The following GRM6 variants were observed in gnomAD, a reference collection of about 807,000 sequenced individuals.
GRM6 encodes glutamate metabotropic receptor 6.
GRM6 carries 73 observed loss-of-function variants against 78.4 expected under a neutral mutation model. The observed-to-expected ratio is 0.93, with a 90% CI of 0.77 to 1.13. GRM6 has a LOEUF of 1.13. Among genes scored for constraint, GRM6 ranks in the 50% most tolerant of loss-of-function variants. The pLI, the probability that GRM6 is intolerant of heterozygous loss-of-function variation, is 0.00. For synonymous variants in GRM6, 580 were observed against 555.0 expected (o/e 1.05, Z -0.63); for missense variants, 1,251 against 1,256.4 (o/e 1.00, Z 0.07).
At chr5:178,983,346 T>A in intron 9 of GRM6, 125 bp from the exon 10 acceptor site, 3 of 838,624 alleles carry the variant, frequency 3.6e-6, no homozygotes, top group Non-Finnish European at 5.9e-6. Context: ...ATGCTCCACC[T>A]CTTCGTGGTG....
chr5:178,981,868 GA>G lies in GRM6; in HGVS notation c.2437-15del. On this transcript the variant is annotated splice_polypyrimidine_tract_variant and intron_variant, in intron 10 of 10. Coordinates refer to ENST00000517717, the MANE Select transcript of GRM6 (RefSeq NM_000843.4). The surrounding 1 kb of genome is among the most constrained non-coding windows in gnomAD (Gnocchi z 5.1). ...CTGGATGTAGATCTAGGCCATGGAAGAGGGGACCAGATGGGACTCAGCCCTG... is the reference window on the plus strand; with the variant it reads ...CTGGATGTAGATCTAGGCCATGGAAGGGGGACCAGATGGGACTCAGCCCTG... 6.4e-7 allele frequency: 1 copy of G among 1,551,348 alleles called. No homozygotes were observed. Among genetic ancestry groups the G allele is most frequent in the Non-Finnish European group, 8.9e-7 (1 of 1,123,106 alleles).
chr5:178,987,273 A>T (rs756675226), intron 7 of GRM6: 6 of 581,244 alleles, frequency 1.0e-5, no homozygotes, highest in South Asian at 9.1e-5. Context: ...AGCCTCCTCA[A>T]AAGATTAAAC....
In GRM6 at chr5:178,991,260, C is replaced by G. The variant is rs1760665317; in HGVS notation, c.857+164G>C. ...GGCATCTCCCCAGACCAGGCTGCTT[C>G]TGAGCCTGGGCACCAGACTCAGAGG... On this transcript the variant is annotated intron_variant, in intron 4 of 10. Coordinates refer to ENST00000517717, the MANE Select transcript of GRM6 (RefSeq NM_000843.4). This position sits in a 1 kb window ranked among gnomAD's most constrained non-coding sequence, Gnocchi z 5.0. Among the ~76,000 whole-genome samples the G allele has an allele frequency of 6.6e-6, 1 of 151,982 alleles. No homozygotes were observed. Among genetic ancestry groups the G allele is most frequent in the South Asian group, 2.1e-4 (1 of 4,810 alleles).
chr5:178,987,884 C>T (rs995328078), intron 7 of GRM6, among the ~76,000 whole-genome samples: 30 of 148,726 alleles, frequency 2.0e-4, no homozygotes, highest in Non-Finnish European at 3.9e-4. Context: ...CTCAGACTCC[C>T]GAGTAGCTGG....
chr5:178,982,669 A>C (rs1561715078), intron 10 of GRM6: 1 of 465,766 alleles, frequency 2.1e-6, no homozygotes, highest in East Asian at 3.5e-5. Flanking sequence ...GTGAGGCAAT[A>C]TCTCTCAAAG....
Position 178,983,100 on chromosome 5 carries a change from A to C in GRM6, c.2246T>G (p.Leu749Arg), listed in dbSNP as rs761434137. Residue 749 changes from leucine (L) to arginine (R), a missense_variant, in exon 10 of 11, where the codon CTG becomes CGG. Coordinates refer to ENST00000517717, the MANE Select transcript of GRM6 (RefSeq NM_000843.4). ...RGVLKCDMSD[L>R]SLIGCLGYSL... ...GTAGCCCAGGCAGCCGATGAGAGAC[A>C]GATCCGACATGTCGCACTTGAGCAC... 1.2e-6 allele frequency: 2 copies of C among 1,614,206 alleles called. No individual in the cohort carries two copies. Among genetic ancestry groups the C allele is most frequent in the Non-Finnish European group, 1.7e-6 (2 of 1,180,028 alleles).
rs929057649 is a variant in GRM6 at position 178,981,528 on chromosome 5, G to A, written c.*129C>T. On this transcript the variant is annotated 3_prime_UTR_variant, in exon 11 of 11. Coordinates refer to ENST00000517717, the MANE Select transcript of GRM6 (RefSeq NM_000843.4). The surrounding 1 kb of genome is among the most constrained non-coding windows in gnomAD (Gnocchi z 5.1). ...CCTTCTCAAGGCCAGCCCCACCGAC[G>A]CGGAGCATGGTCTTGGCAAACTCCC... The A allele has an allele frequency of 2.6e-5, 18 of 697,004 alleles. No homozygotes were observed. The highest frequency in any genetic ancestry group is 5.5e-5 in the South Asian group (3 of 54,508). The allele number at this position is 697,004 out of a possible 1,614,324, so 43.2% of individuals were successfully genotyped here.
intron 2 of GRM6, among the ~76,000 whole-genome samples, chr5:178,994,089 C>A (rs1760729787): frequency 6.6e-6 from 1 of 152,196 alleles, no homozygotes; most frequent in Admixed American, 6.5e-5. Context: ...GGGGCAGGAG[C>A]ACCTTGTATG....
At position 178,988,573 on chromosome 5, in the gene GRM6, G is replaced by T. The variant is rs188332432; in HGVS notation, c.1354+362C>A. Among the ~76,000 whole-genome samples, 1 of 152,136 alleles carries T rather than the reference G, an allele frequency of 6.6e-6. No individual in the cohort carries two copies. The highest frequency in any genetic ancestry group is 6.5e-5 in the Admixed American group (1 of 15,274). ...GTGGGCGGCATGTCCCTGGGTAGGC[G>T]CCCCACGCAGTCTTAACTGTGCCCC... On this transcript the variant is annotated intron_variant, in intron 7 of 10. Coordinates refer to ENST00000517717, the MANE Select transcript of GRM6 (RefSeq NM_000843.4). The surrounding 1 kb of genome is among the most constrained non-coding windows in gnomAD (Gnocchi z 6.0).
In GRM6 at chr5:178,991,760, T is replaced by TCGGCC. The variant is rs1760679291; in HGVS notation, c.721+102_721+106dup. The TCGGCC allele has an allele frequency of 8.6e-7, 1 of 1,168,144 alleles. No homozygotes were observed. Among genetic ancestry groups the TCGGCC allele is most frequent in the Non-Finnish European group, 1.3e-6 (1 of 791,724 alleles). 72.4% of individuals were successfully genotyped at this position (1,168,144 alleles called of 1,614,324 possible). A position where few individuals can be genotyped will look rare whatever the true frequency, so the allele number is the denominator to read the frequency against. ...CACATGGAGCACCAGCCAGGCAACCTCGGCCCAGCATGGACCTGGGCCCCC... is the reference window on the plus strand; with the variant it reads ...CACATGGAGCACCAGCCAGGCAACCTCGGCCCGGCCCAGCATGGACCTGGGCCCCC... On this transcript the variant is annotated intron_variant, in intron 3 of 10. Coordinates refer to ENST00000517717, the MANE Select transcript of GRM6 (RefSeq NM_000843.4). This position sits in a 1 kb window ranked among gnomAD's most constrained non-coding sequence, Gnocchi z 5.0.
In GRM6 at chr5:178,979,253, A is replaced by C. The variant is rs903456075; in HGVS notation, c.*2404T>G. ...GACCCTATCTCGAAAAAATAAAATA[A>C]TAACATAAAGAAATGATCACAGGCA... On this transcript the variant is annotated 3_prime_UTR_variant, in exon 11 of 11. Coordinates refer to ENST00000517717, the MANE Select transcript of GRM6 (RefSeq NM_000843.4). 3 of 152,230 alleles carry C rather than the reference A, an allele frequency of 2.0e-5. No homozygotes were observed. The highest frequency in any genetic ancestry group is 4.4e-5 in the Non-Finnish European group (3 of 68,050). The allele number at this position is 152,230 out of a possible 1,614,324, so 9.4% of individuals were successfully genotyped here.
chr5:178,985,429 C>T lies in GRM6; in HGVS notation c.2124+701G>A, dbSNP rs144784900. 4.5e-3 allele frequency: 1,595 copies of T among 353,470 alleles called. 25 individuals are homozygous for T. Among genetic ancestry groups the T allele is most frequent in the African/African-American group, 0.031 (1,388 of 45,366 alleles). 21.9% of individuals were successfully genotyped at this position (353,470 alleles called of 1,614,324 possible). ...TAAAAAAAAAAAAAAACTCACTGGG[C>T]GCAGCGGCTCCCGCCTGTCATCCCA... On this transcript the variant is annotated intron_variant, in intron 9 of 10. Transcript: ENST00000517717.
chr5:178,979,433 GT>G lies in GRM6; in HGVS notation c.*2223del, dbSNP rs1172302748. 6.6e-6 allele frequency: 1 copy of G among 152,168 alleles called. No individual in the cohort carries two copies. The highest frequency in any genetic ancestry group is 1.5e-5 in the Non-Finnish European group (1 of 68,046). The allele number at this position is 152,168 out of a possible 1,614,324, so 9.4% of individuals were successfully genotyped here. A position where few individuals can be genotyped will look rare whatever the true frequency, so the allele number is the denominator to read the frequency against. On this transcript the variant is annotated 3_prime_UTR_variant, in exon 11 of 11. Transcript: ENST00000517717. ...AGGATGTCCCCCTGTACCCAGAATG[GT>G]GCATGCTGTGGAGATACCCTGCAAG...
chr5:178,993,508 G>A (rs905874641), intron 2 of GRM6, among the ~76,000 whole-genome samples: 2 of 152,126 alleles, frequency 1.3e-5, no homozygotes, highest in Non-Finnish European at 2.9e-5. Context: ...GGCCCCGCAC[G>A]CCTGGAACAA....
At chr5:178,989,211 A>AACCCCCC in intron 6 of GRM6, 54 bp downstream of exon 6, 2 of 121,698 alleles carry the variant, frequency 1.6e-5, no homozygotes, top group Non-Finnish European at 2.6e-5. Flanking sequence ...CCCCCTCCCC[A>AACCCCCC]CCCTCACCAC....
Position 178,992,000 on chromosome 5 carries a change from G to C in GRM6, c.588C>G (p.Pro196=). Residue 196 remains proline, a synonymous_variant, in exon 3 of 11, where the codon CCC becomes CCG. Transcript: ENST00000517717. The surrounding 1 kb of genome is among the most constrained non-coding windows in gnomAD (Gnocchi z 5.0). Reference sequence around the variant, plus strand: ...CCATGGCCTGCGCCTGGTAGGAGTCGGGTGGCACCACCCGGGAGAAGAAGT... The same window carrying C: ...CCATGGCCTGCGCCTGGTAGGAGTCCGGTGGCACCACCCGGGAGAAGAAGT... ...RYDFFSRVVP[P]DSYQAQAMVD... The C allele has an allele frequency of 6.2e-7, 1 of 1,614,086 alleles. No homozygotes were observed. Among genetic ancestry groups the C allele is most frequent in the Non-Finnish European group, 8.5e-7 (1 of 1,179,984 alleles).
chr5:178,992,375 A>T lies in GRM6; in HGVS notation c.505-292T>A. The T allele has an allele frequency of 2.0e-6, 1 of 505,326 alleles. No individual in the cohort carries two copies. The highest frequency in any genetic ancestry group is 3.7e-6 in the Non-Finnish European group (1 of 273,246). The allele number at this position is 505,326 out of a possible 1,614,324, so 31.3% of individuals were successfully genotyped here. ...GCAGGACCGCCACATATACTGGTAC[A>T]AGCTGTGTCCTGAACAAGGACCCCC... is the stretch of plus-strand genomic sequence containing the variant. On this transcript the variant is annotated intron_variant, in intron 2 of 10. Transcript: ENST00000517717. The surrounding 1 kb of genome is among the most constrained non-coding windows in gnomAD (Gnocchi z 4.9).
chr5:178,990,881 CG>C, intron 4 of GRM6, 135 bp from the exon 5 acceptor site: 2 of 789,232 alleles, frequency 2.5e-6, no homozygotes, highest in Non-Finnish European at 4.0e-6. Flanking sequence ...AAAACGGGGC[CG>C]GGGGCATTTA....
rs1426740204 is a variant in GRM6 at position 178,983,108 on chromosome 5, CAT to C, written c.2236_2237del (p.Met746ValfsTer65). The C allele has an allele frequency of 1.2e-6, 2 of 1,614,022 alleles. No homozygotes were observed. Among genetic ancestry groups the C allele is most frequent in the Non-Finnish European group, 1.7e-6 (2 of 1,180,024 alleles). Reference sequence around the variant, plus strand: ...GGCAGCCGATGAGAGACAGATCCGACATGTCGCACTTGAGCACCCCTCTGGCC... The same window carrying C: ...GGCAGCCGATGAGAGACAGATCCGACGTCGCACTTGAGCACCCCTCTGGCC... ...EQARGVLKCD[M>X]SDLSLIGCLG... On this transcript the variant is annotated frameshift_variant, in exon 10 of 11. Transcript: ENST00000517717. LOFTEE classifies it high-confidence loss of function.
Sources: gnomAD v4.1 joint callset for allele counts (sites outside exome capture counted in the v4.1 genomes callset) on GRCh38, gnomAD v4.1.1 for gene constraint, Gnocchi (gnomAD v3.1) non-coding constraint, MANE v1.5 for transcripts, NCBI Gene and HGNC (gene_info 2026-07-23, HGNC 2026-07-21) for gene names.